SLC8A2: variants seen among roughly 807,000 people sequenced by gnomAD.
The protein encoded by SLC8A2 is solute carrier family 8 member A2.
In SLC8A2, 14 loss-of-function variants were observed where a neutral mutation model predicts 70.2. The observed-to-expected ratio is 0.20, with a 90% CI of 0.13 to 0.31. The LOEUF (loss-of-function observed/expected upper bound fraction) is 0.31. SLC8A2 is among the 10% of genes least tolerant of loss of function. The pLI is 1.00. For synonymous variants in SLC8A2, 575 were observed against 594.3 expected (o/e 0.97, Z 0.47); for missense variants, 779 against 1,320.1 (o/e 0.59, Z 6.35).
Position 47,457,208 on chromosome 19 carries a change from G to A in SLC8A2, c.1062C>T (p.Arg354=). 3 of 1,546,184 alleles carry A rather than the reference G, an allele frequency of 1.9e-6. No individual in the cohort carries two copies. Among genetic ancestry groups the A allele is most frequent in the South Asian group, 1.2e-5 (1 of 83,436 alleles). Residue 354 remains arginine, a synonymous_variant, in exon 3 of 10, where the codon CGC becomes CGT. Coordinates refer to ENST00000236877, the MANE Select transcript of SLC8A2 (RefSeq NM_015063.3). The part of the protein sequence containing the change: ...LHQQKSRAFY[R]IQATRLMTGA... ...CGGTCATCAGCCGCGTGGCCTGGAT[G>A]CGGTAGAAGGCGCGGCTCTTCTGCT...
Position 47,430,512 on chromosome 19 carries a change from C to A in SLC8A2, c.2390-47G>T. ...GTCGGAGGGGCTTTGCGCCGCCACC[C>A]ACAGGGGCGGGCATCCGCCTGCCCC... On this transcript the variant is annotated intron_variant, in intron 9 of 9. Transcript: ENST00000236877. The surrounding 1 kb of genome is among the most constrained non-coding windows in gnomAD (Gnocchi z 5.9). 6.6e-7 allele frequency: 1 copy of A among 1,519,026 alleles called. No individual in the cohort carries two copies. The highest frequency in any genetic ancestry group is 2.4e-5 in the East Asian group (1 of 42,384). The allele number at this position is 1,519,026 out of a possible 1,614,324, so 94.1% of individuals were successfully genotyped here.
chr19:47,450,649 A>C (rs1388222742), intron 3 of SLC8A2, among the ~76,000 whole-genome samples: 1 of 152,158 alleles, frequency 6.6e-6, no homozygotes, highest in Non-Finnish European at 1.5e-5. Context: ...TGGAGGGATG[A>C]GGGAGTCCCT....
intron 3 of SLC8A2, among the ~76,000 whole-genome samples, chr19:47,456,214 A>T (rs770089407): frequency 1.3e-5 from 2 of 152,226 alleles, no homozygotes; most frequent in Non-Finnish European, 2.9e-5. Flanking sequence ...AACCACAGAA[A>T]TATAAAGAAT....
chr19:47,449,867 G>A (rs186937064), intron 3 of SLC8A2, among the ~76,000 whole-genome samples: 200 of 138,130 alleles, frequency 1.4e-3, no homozygotes, highest in African/African-American at 5.4e-3. Flanking sequence ...CGTTTACCCT[G>A]AGTGAGGAAG....
chr19:47,444,833 T>A (rs893354067), intron 4 of SLC8A2, among the ~76,000 whole-genome samples: 2 of 152,116 alleles, frequency 1.3e-5, no homozygotes, highest in Admixed American at 1.3e-4. Flanking sequence ...GCCTGCCCCC[T>A]TGTTTCCTGA....
intron 8 of SLC8A2, among the ~76,000 whole-genome samples, chr19:47,434,734 G>A (rs552691381): frequency 1.3e-5 from 2 of 152,222 alleles, no homozygotes; most frequent in East Asian, 3.9e-4. Flanking sequence ...TCTCCTAAGG[G>A]AGTGAGGACT....
Position 47,430,242 on chromosome 19 carries a change from G to A in SLC8A2, c.2613C>T (p.Ala871=). The stretch of plus-strand genomic sequence containing the variant: ...GCGGCCGGCGCCGGTACAGCAGCAC[G>A]GCAATGCCCACGAAGGCGAAGACGG... ...LFTVFAFVGI[A]VLLYRRRPHI... The change falls in exon 10 of 10, where the codon GCC becomes GCT. Residue 871 remains alanine (A), a synonymous_variant. Coordinates refer to ENST00000236877, the MANE Select transcript of SLC8A2 (RefSeq NM_015063.3). The surrounding 1 kb of genome is among the most constrained non-coding windows in gnomAD (Gnocchi z 5.9). The A allele has an allele frequency of 1.9e-6, 3 of 1,611,568 alleles. No homozygotes were observed. Among genetic ancestry groups the A allele is most frequent in the Non-Finnish European group, 2.5e-6 (3 of 1,178,866 alleles).
chr19:47,467,836 C>CAAAAA (rs35745146), intron 1 of SLC8A2, among the ~76,000 whole-genome samples: 26 of 38,390 alleles, frequency 6.8e-4, no homozygotes, highest in South Asian at 1.4e-3. Context: ...TCTAAAAATA[C>CAAAAA]AAAAAAAAAA....
chr19:47,465,660 GC>G lies in SLC8A2; in HGVS notation c.675+68del. On this transcript the variant is annotated intron_variant, in intron 2 of 9. Transcript: ENST00000236877. This position sits in a 1 kb window ranked among gnomAD's most constrained non-coding sequence, Gnocchi z 5.5. ...GCAAATACAGCAATCAACACTCCAA[GC>G]CAAGAGCACCTCTCTGGATTTTGCA... The G allele has an allele frequency of 1.5e-6, 2 of 1,338,990 alleles. No homozygotes were observed. The highest frequency in any genetic ancestry group is 2.0e-6 in the Non-Finnish European group (2 of 978,076). The allele number at this position is 1,338,990 out of a possible 1,614,324, so 82.9% of individuals were successfully genotyped here.
At chr19:47,463,503 G>GA (rs1967422230) in intron 2 of SLC8A2, among the ~76,000 whole-genome samples, 1 of 149,010 alleles carries the variant, frequency 6.7e-6, no homozygotes, top group Admixed American at 6.7e-5. Context: ...AGGCTGAGGC[G>GA]GGCAGATCAC....
intron 9 of SLC8A2, among the ~76,000 whole-genome samples, chr19:47,431,139 C>G (rs1966952632): frequency 6.6e-6 from 1 of 152,036 alleles, no homozygotes; most frequent in Non-Finnish European, 1.5e-5. Context: ...GGTGATCCTC[C>G]CACCTCAGCC....
At position 47,430,910 on chromosome 19, in the gene SLC8A2, G is replaced by C. The variant is rs1014751828; in HGVS notation, c.2390-445C>G. ...GCTAAGATTTTGTGTTTTTAGTAGA[G>C]ACGGGGTTTCACCATGTTGGCCAGG... On this transcript the variant is annotated intron_variant, in intron 9 of 9. Coordinates refer to ENST00000236877, the MANE Select transcript of SLC8A2 (RefSeq NM_015063.3). This position sits in a 1 kb window ranked among gnomAD's most constrained non-coding sequence, Gnocchi z 5.9. Among the ~76,000 whole-genome samples, 3 of 152,124 alleles carry C rather than the reference G, an allele frequency of 2.0e-5. No homozygotes were observed. Among genetic ancestry groups the C allele is most frequent in the Non-Finnish European group, 4.4e-5 (3 of 68,030 alleles).
chr19:47,462,153 C>T (rs12983441), intron 2 of SLC8A2, among the ~76,000 whole-genome samples: 1,561 of 152,278 alleles, frequency 0.01, 10 homozygotes, highest in Admixed American at 0.02. Flanking sequence ...TCCCATATGC[C>T]GTCTCATTTC....
At chr19:47,460,794 C>T (rs1050413931) in intron 2 of SLC8A2, among the ~76,000 whole-genome samples, 1 of 151,942 alleles carries the variant, frequency 6.6e-6, no homozygotes, top group African/African-American at 2.4e-5. Flanking sequence ...ACTCAGTCTG[C>T]TGGTGGCCCA....
chr19:47,471,361 G>A (rs1967536969), intron 1 of SLC8A2, among the ~76,000 whole-genome samples: 1 of 152,112 alleles, frequency 6.6e-6, no homozygotes, highest in African/African-American at 2.4e-5. Context: ...GACACAGAGA[G>A]AGGGAGACAG....
Position 47,430,597 on chromosome 19 carries a change from C to G in SLC8A2, c.2390-132G>C, listed in dbSNP as rs951451474. The G allele has an allele frequency of 1.8e-5, 18 of 992,632 alleles. No individual in the cohort carries two copies. Among genetic ancestry groups the G allele is most frequent in the African/African-American group, 8.1e-5 (5 of 61,524 alleles). 61.5% of individuals were successfully genotyped at this position (992,632 alleles called of 1,614,324 possible). ...GCAGTGTGGGCTCAAGACCCCTGAC[C>G]CCCACCCAAGAGGCAAAGTCCATCA... On this transcript the variant is annotated intron_variant, in intron 9 of 9. Coordinates refer to ENST00000236877, the MANE Select transcript of SLC8A2 (RefSeq NM_015063.3). This position sits in a 1 kb window ranked among gnomAD's most constrained non-coding sequence, Gnocchi z 5.9.
chr19:47,432,883 A>G lies in SLC8A2; in HGVS notation c.2111-438T>C, dbSNP rs1014575963. 2.7e-5 allele frequency among the ~76,000 whole-genome samples: 4 copies of G among 150,794 alleles called. No homozygotes were observed. The highest frequency in any genetic ancestry group is 2.1e-4 in the South Asian group (1 of 4,772). ...GAGTGTGAATGGGCCCAGGTGACAA[A>G]TATTTATTTTCCCAGAATCCCTTGC... On this transcript the variant is annotated intron_variant, in intron 8 of 9. Transcript: ENST00000236877. The surrounding 1 kb of genome is among the most constrained non-coding windows in gnomAD (Gnocchi z 6.2).
chr19:47,448,358 G>A lies in SLC8A2; in HGVS notation c.1341-127C>T. 1 of 676,072 alleles carries A rather than the reference G, an allele frequency of 1.5e-6. No individual in the cohort carries two copies. The highest frequency in any genetic ancestry group is 2.5e-6 in the Non-Finnish European group (1 of 404,306). 41.9% of individuals were successfully genotyped at this position (676,072 alleles called of 1,614,324 possible). A position where few individuals can be genotyped will look rare whatever the true frequency, so the allele number is the denominator to read the frequency against. The stretch of plus-strand genomic sequence containing the variant: ...GCCATAGAAGAACTCCCAAGTATGA[G>A]GGTCGACAGGCATTAAACAAGTAAT... On this transcript the variant is annotated intron_variant, in intron 3 of 9. Transcript: ENST00000236877. This position sits in a 1 kb window ranked among gnomAD's most constrained non-coding sequence, Gnocchi z 4.8.
At chr19:47,467,317 G>C (rs1400747940) in intron 1 of SLC8A2, among the ~76,000 whole-genome samples, 3 of 152,312 alleles carry the variant, frequency 2.0e-5, no homozygotes, top group Non-Finnish European at 2.9e-5. Flanking sequence ...GGGAGCAGGA[G>C]GCTCTGAGTT....
Sources: gnomAD v4.1 joint callset for allele counts (sites outside exome capture counted in the v4.1 genomes callset) on GRCh38, gnomAD v4.1.1 for gene constraint, Gnocchi (gnomAD v3.1) non-coding constraint, MANE v1.5 for transcripts, NCBI Gene and HGNC (gene_info 2026-07-23, HGNC 2026-07-21) for gene names.